FBXL7: variants seen among roughly 807,000 people sequenced by gnomAD.
FBXL7 encodes the protein F-box/LRR-repeat protein 7.
In FBXL7, 12 loss-of-function variants were observed where a neutral mutation model predicts 38.3. The ratio of observed to expected loss-of-function variants is 0.31; its 90% CI spans 0.20 to 0.51. The LOEUF is 0.51. Among genes scored for constraint, FBXL7 ranks in the 20% least tolerant of loss-of-function variants. The pLI is 0.98. For missense variants in FBXL7, 567 were observed against 676.4 expected (o/e 0.84, Z 1.79); for synonymous variants, 297 against 300.9 (o/e 0.99, Z 0.13).
chr5:15,831,903 A>G (rs781724173), intron 2 of FBXL7, among the ~76,000 whole-genome samples: 1 of 152,048 alleles, frequency 6.6e-6, no homozygotes, highest in Non-Finnish European at 1.5e-5. Context: ...CCCATTGCCC[A>G]TGGCCCTTGC....
At chr5:15,751,989 C>T (rs1349260956) in intron 2 of FBXL7, among the ~76,000 whole-genome samples, 1 of 152,150 alleles carries the variant, frequency 6.6e-6, no homozygotes, top group African/African-American at 2.4e-5. Context: ...AATCATTTTA[C>T]CTCACTAAGG....
intron 2 of FBXL7, among the ~76,000 whole-genome samples, chr5:15,832,710 G>A (rs1432006996): frequency 6.6e-6 from 1 of 152,156 alleles, no homozygotes; most frequent in Non-Finnish European, 1.5e-5. Context: ...AGATCTCAGA[G>A]GGCTTCATTC....
rs549770065 is a variant in FBXL7 at position 15,588,676 on chromosome 5, C to T, written c.38-27307C>T. Among the ~76,000 whole-genome samples, 12 of 152,258 alleles carry T rather than the reference C, an allele frequency of 7.9e-5. No individual in the cohort carries two copies. The South Asian group carries it at 1.7e-3, about 21-fold the overall frequency. On this transcript the variant is annotated intron_variant, in intron 1 of 3. Coordinates refer to ENST00000504595, the MANE Select transcript of FBXL7 (RefSeq NM_012304.5). ...TGCTGGGATTATAGGCGTGAGCCACCGCGCCCGGCCGCCATGTTGTAATTT... is the reference window on the plus strand; with the variant it reads ...TGCTGGGATTATAGGCGTGAGCCACTGCGCCCGGCCGCCATGTTGTAATTT...
At chr5:15,888,053 G>C (rs944722630) in intron 2 of FBXL7, among the ~76,000 whole-genome samples, 1 of 152,038 alleles carries the variant, frequency 6.6e-6, no homozygotes, top group South Asian at 2.1e-4. Context: ...GACAATCTGA[G>C]ACAGCAAATT....
intron 2 of FBXL7, among the ~76,000 whole-genome samples, chr5:15,865,843 T>C (rs906760715): frequency 6.6e-6 from 1 of 152,232 alleles, no homozygotes; most frequent in Non-Finnish European, 1.5e-5. Flanking sequence ...AATGCTGGCC[T>C]TTCTTTACAT....
chr5:15,640,977 C>A (rs1393939815), intron 2 of FBXL7, among the ~76,000 whole-genome samples: 1 of 152,168 alleles, frequency 6.6e-6, no homozygotes, highest in Non-Finnish European at 1.5e-5. Context: ...GCTGCAGCAT[C>A]TCACATACTA....
At chr5:15,668,368 TTGTGTGTGTGTGTGTGTGTGTGTG>T (rs148728974) in intron 2 of FBXL7, among the ~76,000 whole-genome samples, 3 of 145,650 alleles carry the variant, frequency 2.1e-5, no homozygotes, top group East Asian at 2.0e-4. Context: ...ATATTTGTGT[TTGTGTGTGTGTGTGTGTGTGTGTG>T]TGTGTGTGTG....
intron 2 of FBXL7, among the ~76,000 whole-genome samples, chr5:15,663,384 G>A (rs994302904): frequency 6.6e-6 from 1 of 152,010 alleles, no homozygotes; most frequent in African/African-American, 2.4e-5. Flanking sequence ...TTTATCAGCT[G>A]AAGAAGCTTT....
At chr5:15,631,889 T>C (rs1023728880) in intron 2 of FBXL7, among the ~76,000 whole-genome samples, 1 of 152,100 alleles carries the variant, frequency 6.6e-6, no homozygotes. Flanking sequence ...CCTAACATGT[T>C]CCTGATGCCA....
chr5:15,504,263 C>T (rs1425544885), intron 1 of FBXL7, among the ~76,000 whole-genome samples: 1 of 152,184 alleles, frequency 6.6e-6, no homozygotes, highest in East Asian at 1.9e-4. Flanking sequence ...TCATTCATTT[C>T]ATTTTTCTCT....
chr5:15,706,181 G>C (rs1225841824), intron 2 of FBXL7, among the ~76,000 whole-genome samples: 1 of 152,172 alleles, frequency 6.6e-6, no homozygotes, highest in African/African-American at 2.4e-5. Flanking sequence ...CAGTGCTGCA[G>C]GTGGGGCCTG....
At chr5:15,683,622 C>T (rs1742920273) in intron 2 of FBXL7, among the ~76,000 whole-genome samples, 1 of 152,154 alleles carries the variant, frequency 6.6e-6, no homozygotes, top group African/African-American at 2.4e-5. Context: ...CAAAGCATAT[C>T]TGTAAAAAGG....
In FBXL7 at chr5:15,667,594, T is replaced by C. The variant is rs1742326692; in HGVS notation, c.127+51522T>C. On this transcript the variant is annotated intron_variant, in intron 2 of 3. Transcript: ENST00000504595. ...AGAAAGTTGGTGGGCCAGTTCATTT[T>C]CTTTTGGCATTATCTGTTTTTGGCA... 2.0e-5 allele frequency among the ~76,000 whole-genome samples: 3 copies of C among 152,206 alleles called. No homozygotes were observed. The East Asian group carries it at 5.8e-4, about 29-fold the overall frequency.
intron 2 of FBXL7, among the ~76,000 whole-genome samples, chr5:15,643,362 C>A (rs1741429207): frequency 1.3e-5 from 2 of 152,170 alleles, no homozygotes; most frequent in Admixed American, 6.5e-5. Context: ...ACCTTGTCTC[C>A]TGTACCATAC....
At chr5:15,875,202 C>A (rs950186710) in intron 2 of FBXL7, among the ~76,000 whole-genome samples, 12 of 152,170 alleles carry the variant, frequency 7.9e-5, no homozygotes, top group South Asian at 2.1e-4. Context: ...GGAAAATTGG[C>A]TAGCCATAGG....
chr5:15,750,491 C>T (rs917292259), intron 2 of FBXL7, among the ~76,000 whole-genome samples: 2 of 152,176 alleles, frequency 1.3e-5, no homozygotes, highest in South Asian at 4.1e-4. Flanking sequence ...CATGTTACCC[C>T]CTATAGGACT....
intron 2 of FBXL7, among the ~76,000 whole-genome samples, chr5:15,880,617 T>A (rs1044298626): frequency 2.0e-5 from 3 of 151,426 alleles, no homozygotes; most frequent in Admixed American, 6.6e-5. Context: ...GATTATAATT[T>A]GCAAAACTAT....
chr5:15,621,446 C>T (rs1460927258), intron 2 of FBXL7, among the ~76,000 whole-genome samples: 1 of 152,148 alleles, frequency 6.6e-6, no homozygotes, highest in Non-Finnish European at 1.5e-5. Context: ...GGTATTCTCT[C>T]CTATACTGGA....
At chr5:15,741,585 C>T (rs770889376) in intron 2 of FBXL7, among the ~76,000 whole-genome samples, 8 of 152,098 alleles carry the variant, frequency 5.3e-5, no homozygotes, top group Non-Finnish European at 8.8e-5. Context: ...AAAAATGCTG[C>T]TCTTGGGTAT....
Sources: gnomAD v4.1 joint callset for allele counts (sites outside exome capture counted in the v4.1 genomes callset) on GRCh38, gnomAD v4.1.1 for gene constraint, MANE v1.5 for transcripts, NCBI Gene and HGNC (gene_info 2026-07-23, HGNC 2026-07-21) for gene names.